The following NDUFA10 variants were observed in gnomAD, a reference collection of about 807,000 sequenced individuals.
NDUFA10 encodes NADH:ubiquinone oxidoreductase subunit A10, also known as NADH dehydrogenase [ubiquinone] 1 alpha subcomplex subunit 10, mitochondrial.
NDUFA10 carries 40 observed loss-of-function variants against 47.8 expected under a neutral mutation model. That is an observed-to-expected ratio of 0.84 (90% CI 0.65 to 1.09). The LOEUF (loss-of-function observed/expected upper bound fraction) is 1.09, where lower values mean the gene tolerates loss of function less well. Among genes scored for constraint, NDUFA10 ranks in the 50% least tolerant of loss-of-function variants. NDUFA10 has a pLI of 0.00. For synonymous variants in NDUFA10, 183 were observed against 172.2 expected (o/e 1.06, Z -0.49); for missense variants, 413 against 451.1 (o/e 0.92, Z 0.76).
intron 8 of NDUFA10, among the ~76,000 whole-genome samples, chr2:239,999,215 T>G (rs1483722884): frequency 6.6e-6 from 1 of 152,196 alleles, no homozygotes; most frequent in Non-Finnish European, 1.5e-5. Flanking sequence ...CACAATGACA[T>G]GGTGGCTGCC....
At chr2:239,916,418 A>G (rs546580071) in intron 4 of NDUFA10, among the ~76,000 whole-genome samples, 3 of 151,030 alleles carry the variant, frequency 2.0e-5, no homozygotes, top group South Asian at 2.1e-4. Flanking sequence ...ACAGTAGCGC[A>G]CACACACAGA....
At chr2:239,916,231 C>G (rs1559278784) in intron 4 of NDUFA10, among the ~76,000 whole-genome samples, 1 of 148,624 alleles carries the variant, frequency 6.7e-6, no homozygotes, top group Non-Finnish European at 1.5e-5. Context: ...TACAGATACA[C>G]ACAGACAGAC....
At chr2:239,975,855 C>T (rs542041273) in intron 9 of NDUFA10, among the ~76,000 whole-genome samples, 24 of 152,276 alleles carry the variant, frequency 1.6e-4, no homozygotes, top group Admixed American at 7.2e-4. Context: ...TGCCAGCCAC[C>T]CTCCTGGATC....
Position 240,011,787 on chromosome 2 carries a change from C to A in NDUFA10, c.670-91G>T, listed in dbSNP as rs1310777556. ...TATAAAATGCGAAGACAATCACTGA[C>A]CACCATTTTCTTACAACTCACACCG... On this transcript the variant is annotated intron_variant, in intron 5 of 9. Coordinates refer to ENST00000252711, the MANE Select transcript of NDUFA10 (RefSeq NM_004544.4). The A allele has an allele frequency of 4.4e-6, 5 of 1,145,970 alleles. No homozygotes were observed. In the African/African-American group the frequency reaches 7.7e-5, roughly 18 times the overall value. 71.0% of individuals were successfully genotyped at this position (1,145,970 alleles called of 1,614,324 possible).
At chr2:239,932,803 A>C (rs1006573022) in intron 4 of NDUFA10, among the ~76,000 whole-genome samples, 1 of 152,068 alleles carries the variant, frequency 6.6e-6, no homozygotes, top group East Asian at 1.9e-4. Context: ...GGATGGTCTC[A>C]ATCTCCTGAC....
Position 240,021,379 on chromosome 2 carries a change from T to A in NDUFA10, c.278A>T (p.Tyr93Phe), listed in dbSNP as rs1299242198. ...FKHFPEAGIH[Y>F]PDSTTGDGKP... Reference sequence around the variant, plus strand: ...CCCATCTCCTGTGGTACTGTCTGGATAATGAATCCCCGCTTCAGGAAAGTG... The same window carrying A: ...CCCATCTCCTGTGGTACTGTCTGGAAAATGAATCCCCGCTTCAGGAAAGTG... The change falls in exon 3 of 10, where the codon TAT becomes TTT. Residue 93 changes from tyrosine to phenylalanine, a missense_variant. Transcript: ENST00000252711. The A allele has an allele frequency of 3.7e-6, 6 of 1,614,112 alleles. No homozygotes were observed. Among genetic ancestry groups the A allele is most frequent in the Non-Finnish European group, 5.1e-6 (6 of 1,180,052 alleles).
intron 4 of NDUFA10, among the ~76,000 whole-genome samples, chr2:239,941,907 A>AT (rs1224292797): frequency 6.6e-6 from 1 of 152,214 alleles, no homozygotes; most frequent in African/African-American, 2.4e-5. Flanking sequence ...ATTACATTTA[A>AT]TTTATTTTAA....
intron 4 of NDUFA10, among the ~76,000 whole-genome samples, chr2:239,898,688 T>C (rs920079435): frequency 7.2e-5 from 11 of 152,244 alleles, no homozygotes; most frequent in Non-Finnish European, 1.3e-4. Context: ...TTAGTGCCAC[T>C]GCATCACAGG....
chr2:240,022,987 C>A (rs1444013947), intron 1 of NDUFA10, among the ~76,000 whole-genome samples: 3 of 152,184 alleles, frequency 2.0e-5, no homozygotes, highest in Non-Finnish European at 4.4e-5. Flanking sequence ...CAGAATTACA[C>A]ACAAAATCCT....
At chr2:239,899,256 A>G (rs185719558) in intron 4 of NDUFA10, among the ~76,000 whole-genome samples, 5 of 228 alleles carry the variant, frequency 0.022, no homozygotes, top group East Asian at 0.33. Context: ...TGTGATGGAG[A>G]GGTGTGGTGG....
chr2:239,937,184 C>T (rs1694279479), intron 4 of NDUFA10, among the ~76,000 whole-genome samples: 1 of 152,224 alleles, frequency 6.6e-6, no homozygotes, highest in South Asian at 2.1e-4. Context: ...ATGCACTCTA[C>T]TTTGCCATCA....
chr2:240,021,169 C>T (rs1438218381), intron 3 of NDUFA10, 28 bp downstream of exon 3: 1 of 1,588,428 alleles, frequency 6.3e-7, no homozygotes. Flanking sequence ...AAGTACAGAA[C>T]AGATCTAACT....
At chr2:240,008,636 A>T (rs186093855) in intron 6 of NDUFA10, among the ~76,000 whole-genome samples, 217 of 152,352 alleles carry the variant, frequency 1.4e-3, no homozygotes, top group African/African-American at 5.0e-3. Context: ...AAGGTCACAA[A>T]CTATTTGACA....
At chr2:239,931,873 T>C (rs986829882) in intron 4 of NDUFA10, among the ~76,000 whole-genome samples, 43 of 141,592 alleles carry the variant, frequency 3.0e-4, no homozygotes, top group African/African-American at 1.1e-3. Context: ...TCTCGCTCTG[T>C]GGCCCAGGCT....
intron 9 of NDUFA10, among the ~76,000 whole-genome samples, chr2:239,964,508 C>T (rs978627170): frequency 6.6e-6 from 1 of 152,190 alleles, no homozygotes; most frequent in Non-Finnish European, 1.5e-5. Flanking sequence ...GCAGCAGCAG[C>T]AGACGACTCC....
In NDUFA10 at chr2:239,958,066, C is replaced by G. The variant is rs1003876097; in HGVS notation, c.*3052G>C. 2 of 152,312 alleles carry G rather than the reference C, an allele frequency of 1.3e-5. No homozygotes were observed. The highest frequency in any genetic ancestry group is 6.5e-5 in the Admixed American group (1 of 15,294). 9.4% of individuals were successfully genotyped at this position (152,312 alleles called of 1,614,324 possible). ...TCAGGCTCCCGGCTTCTATTTATAT[C>G]CACATGTAAAGCCCCAGATCACTCG... On this transcript the variant is annotated 3_prime_UTR_variant, in exon 10 of 10. Coordinates refer to ENST00000252711, the MANE Select transcript of NDUFA10 (RefSeq NM_004544.4).
chr2:239,955,692 A>C (rs1438967397), downstream of NDUFA10, among the ~76,000 whole-genome samples: 1 of 152,184 alleles, frequency 6.6e-6, no homozygotes. Flanking sequence ...CGCAGGACAG[A>C]CCAGGGCAGG....
chr2:239,941,111 C>A (rs1277305396), intron 4 of NDUFA10, among the ~76,000 whole-genome samples: 4 of 152,170 alleles, frequency 2.6e-5, no homozygotes, highest in Non-Finnish European at 4.4e-5. Flanking sequence ...GATGCACCCA[C>A]GGCAACAAGG....
intron 4 of NDUFA10, among the ~76,000 whole-genome samples, chr2:239,927,977 C>T (rs545201667): frequency 6.6e-6 from 1 of 152,268 alleles, no homozygotes; most frequent in East Asian, 1.9e-4. Flanking sequence ...GCTGCGTTTG[C>T]AATTTCTTGT....
Sources: allele counts gnomAD v4.1 joint callset (sites outside exome capture counted in the v4.1 genomes callset), GRCh38; gene constraint gnomAD v4.1.1; transcripts MANE v1.5; gene names NCBI Gene and HGNC (gene_info 2026-07-23, HGNC 2026-07-21).